The following PAK5 variants were observed in gnomAD, a reference collection of about 807,000 sequenced individuals.
PAK5 encodes p21 (RAC1) activated kinase 5.
A neutral mutation model predicts 65.9 loss-of-function variants in PAK5; 16 were observed. That is an observed-to-expected ratio of 0.24 (90% CI 0.16 to 0.37). The LOEUF (loss-of-function observed/expected upper bound fraction) is 0.37, where lower values mean the gene tolerates loss of function less well. Among genes scored for constraint, PAK5 ranks in the 10% least tolerant of loss-of-function variants. The pLI is 1.00. For synonymous variants in PAK5, 371 were observed against 354.9 expected (o/e 1.05, Z -0.51); for missense variants, 785 against 903.9 (o/e 0.87, Z 1.69).
In PAK5 at chr20:9,605,219, A is replaced by T. The variant is rs148936315; in HGVS notation, c.205-24289T>A. Among the ~76,000 whole-genome samples the T allele has an allele frequency of 1.6e-3, 237 of 152,338 alleles. 1 individual carries two copies. The highest frequency in any genetic ancestry group is 0.01 in the Middle Eastern group (3 of 294). On this transcript the variant is annotated intron_variant, in intron 3 of 9. Coordinates refer to ENST00000353224, the MANE Select transcript of PAK5 (RefSeq NM_177990.4). ...AACTTCCTTTCCACATTGGTTAAGG[A>T]TTACCTTTGGGGGCATTCATTGCCT...
chr20:9,544,226 C>A, intron 8 of PAK5, 143 bp downstream of exon 8: 4 of 884,088 alleles, frequency 4.5e-6, no homozygotes, highest in Non-Finnish European at 7.1e-6. Flanking sequence ...CCTATCTACT[C>A]TGTGCCTCAT....
intron 2 of PAK5, among the ~76,000 whole-genome samples, chr20:9,649,599 G>A (rs931067087): frequency 3.3e-5 from 5 of 152,158 alleles, no homozygotes; most frequent in Admixed American, 2.6e-4. Context: ...CATATGCCTA[G>A]TCTAAAAGCT....
chr20:9,837,954 G>A (rs573776221), intron 1 of PAK5, among the ~76,000 whole-genome samples: 1 of 152,174 alleles, frequency 6.6e-6, no homozygotes, highest in Admixed American at 6.5e-5. Context: ...AACTCAGCCC[G>A]AGTTGAAAGC....
chr20:9,605,703 C>A (rs139200169), intron 3 of PAK5, among the ~76,000 whole-genome samples: 3 of 152,090 alleles, frequency 2.0e-5, no homozygotes, highest in African/African-American at 7.2e-5. Context: ...CCAAGGCAGG[C>A]GGATCACTCG....
intron 3 of PAK5, among the ~76,000 whole-genome samples, chr20:9,598,467 A>T (rs928494505): frequency 6.6e-6 from 1 of 152,212 alleles, no homozygotes; most frequent in Non-Finnish European, 1.5e-5. Context: ...TCCTTTGGGT[A>T]TATACCTAGT....
chr20:9,574,425 G>A (rs1182907540), intron 4 of PAK5, among the ~76,000 whole-genome samples: 1 of 152,190 alleles, frequency 6.6e-6, no homozygotes, highest in Admixed American at 6.5e-5. Flanking sequence ...CTATTCAAGA[G>A]CAGTGAGACA....
chr20:9,785,422 A>C (rs1433670703), intron 1 of PAK5, among the ~76,000 whole-genome samples: 9 of 152,236 alleles, frequency 5.9e-5, no homozygotes, highest in Non-Finnish European at 1.5e-5. Flanking sequence ...AATGGCTATG[A>C]TGAAATGTGC....
At chr20:9,817,647 C>G (rs1451466991) in intron 1 of PAK5, among the ~76,000 whole-genome samples, 1 of 152,126 alleles carries the variant, frequency 6.6e-6, no homozygotes, top group East Asian at 1.9e-4. Context: ...GCAGCCCAAA[C>G]AAGGTACCTA....
At chr20:9,777,698 C>T (rs1163487176) in intron 1 of PAK5, among the ~76,000 whole-genome samples, 1 of 152,150 alleles carries the variant, frequency 6.6e-6, no homozygotes, top group Non-Finnish European at 1.5e-5. Flanking sequence ...TCATTATATA[C>T]ATATATTTTT....
chr20:9,825,952 C>T (rs760098779), intron 1 of PAK5, among the ~76,000 whole-genome samples: 1 of 152,100 alleles, frequency 6.6e-6, no homozygotes, highest in Non-Finnish European at 1.5e-5. Flanking sequence ...GTTATACATT[C>T]AAGACTTTAA....
At chr20:9,592,679 A>G (rs2046193174) in intron 3 of PAK5, among the ~76,000 whole-genome samples, 1 of 152,206 alleles carries the variant, frequency 6.6e-6, no homozygotes. Context: ...GGGACATTGG[A>G]TATACTCAGA....
intron 3 of PAK5, among the ~76,000 whole-genome samples, chr20:9,583,860 G>A (rs769667729): frequency 1.3e-5 from 2 of 152,180 alleles, no homozygotes; most frequent in Admixed American, 1.3e-4. Flanking sequence ...AATATCATAT[G>A]GATGGAATCA....
At chr20:9,572,916 T>C (rs1336658205) in intron 4 of PAK5, among the ~76,000 whole-genome samples, 2 of 152,222 alleles carry the variant, frequency 1.3e-5, no homozygotes, top group African/African-American at 2.4e-5. Flanking sequence ...CATGATGTCA[T>C]GAGAGAAGAC....
intron 3 of PAK5, among the ~76,000 whole-genome samples, chr20:9,587,247 T>C (rs190770735): frequency 6.6e-6 from 1 of 152,026 alleles, no homozygotes; most frequent in Admixed American, 6.6e-5. Flanking sequence ...CTTCATATGG[T>C]GGGAAAAAAG....
intron 3 of PAK5, among the ~76,000 whole-genome samples, chr20:9,594,065 G>C (rs1394764270): frequency 6.6e-6 from 1 of 152,188 alleles, no homozygotes; most frequent in African/African-American, 2.4e-5. Flanking sequence ...TCTCTTCCCA[G>C]ACCAATTACA....
chr20:9,604,376 C>T (rs1041708457), intron 3 of PAK5, among the ~76,000 whole-genome samples: 4 of 152,176 alleles, frequency 2.6e-5, no homozygotes, highest in African/African-American at 4.8e-5. Flanking sequence ...GTATGTGAGC[C>T]CCCTAATAAA....
intron 2 of PAK5, among the ~76,000 whole-genome samples, chr20:9,659,012 G>GC (rs1206225449): frequency 6.6e-6 from 1 of 152,168 alleles, no homozygotes; most frequent in African/African-American, 2.4e-5. Flanking sequence ...CAGGTAAAAA[G>GC]CCCCCCATAT....
intron 1 of PAK5, among the ~76,000 whole-genome samples, chr20:9,757,122 T>C (rs2048643843): frequency 6.6e-6 from 1 of 152,130 alleles, no homozygotes; most frequent in South Asian, 2.1e-4. Context: ...CTGTCTCATT[T>C]CTCCTCTCCT....
intron 7 of PAK5, among the ~76,000 whole-genome samples, chr20:9,547,183 C>T (rs1032971299): frequency 6.6e-6 from 1 of 152,100 alleles, no homozygotes; most frequent in East Asian, 1.9e-4. Context: ...CTGAGGATTG[C>T]CACAACCACC....
Sources: gnomAD v4.1 joint callset for allele counts (sites outside exome capture counted in the v4.1 genomes callset) on GRCh38, gnomAD v4.1.1 for gene constraint, MANE v1.5 for transcripts, NCBI Gene and HGNC (gene_info 2026-07-23, HGNC 2026-07-21) for gene names.